SGCD: variants seen among roughly 807,000 people sequenced by gnomAD.
SGCD encodes delta-sarcoglycan.
A neutral mutation model predicts 36.6 loss-of-function variants in SGCD; 18 were observed. That is an observed-to-expected ratio of 0.49 (90% CI 0.34 to 0.73). The LOEUF is 0.73. Among genes scored for constraint, SGCD ranks in the 30% least tolerant of loss-of-function variants. The pLI is 0.01. For missense variants in SGCD, 387 were observed against 346.7 expected (o/e 1.12, Z -0.92); for synonymous variants, 133 against 130.6 (o/e 1.02, Z -0.12).
At chr5:156,699,989 G>C (rs1397077038) in intron 7 of SGCD, among the ~76,000 whole-genome samples, 1 of 144,450 alleles carries the variant, frequency 6.9e-6, no homozygotes, top group East Asian at 2.0e-4. Flanking sequence ...AGGAGGATCA[G>C]AGACAAAAGA....
intron 3 of SGCD, among the ~76,000 whole-genome samples, chr5:156,160,977 T>C (rs990269697): frequency 1.3e-5 from 2 of 151,742 alleles, no homozygotes; most frequent in Non-Finnish European, 2.9e-5. Flanking sequence ...CCATAGACTA[T>C]ACGTAAATGA....
the SGCD span, among the ~76,000 whole-genome samples, chr5:155,777,446 T>C: frequency 4.0e-5 from 6 of 151,524 alleles, no homozygotes; most frequent in Non-Finnish European, 8.8e-5. Flanking sequence ...AACTTCTACC[T>C]CCTGGGCTCA....
chr5:156,359,562 C>G (rs545202730), intron 3 of SGCD, among the ~76,000 whole-genome samples: 1 of 152,170 alleles, frequency 6.6e-6, no homozygotes, highest in South Asian at 2.1e-4. Flanking sequence ...CAGCCTAGAC[C>G]CAGAATTTCT....
At chr5:156,163,053 TTTTC>T (rs1289863439) in intron 3 of SGCD, among the ~76,000 whole-genome samples, 1 of 151,560 alleles carries the variant, frequency 6.6e-6, no homozygotes, top group Non-Finnish European at 1.5e-5. Context: ...TCTCTACATC[TTTTC>T]TTTCTTAAGG....
At chr5:156,461,908 G>T (rs188884287) in intron 3 of SGCD, among the ~76,000 whole-genome samples, 23 of 152,202 alleles carry the variant, frequency 1.5e-4, no homozygotes, top group East Asian at 1.3e-3. Context: ...AAAAAGTTTG[G>T]ACCCTAATTG....
At chr5:156,033,311 T>G (rs1418011230) in intron 1 of SGCD, among the ~76,000 whole-genome samples, 1 of 152,136 alleles carries the variant, frequency 6.6e-6, no homozygotes, top group Non-Finnish European at 1.5e-5. Context: ...ATAGTAAGGT[T>G]TGTGCTTCTA....
At chr5:156,358,278 A>G (rs1769590204) in intron 3 of SGCD, among the ~76,000 whole-genome samples, 1 of 152,228 alleles carries the variant, frequency 6.6e-6, no homozygotes, top group African/African-American at 2.4e-5. Context: ...TATAGTTCAT[A>G]TAAGCAATTT....
At chr5:156,543,146 C>G (rs772248152) in intron 4 of SGCD, among the ~76,000 whole-genome samples, 1 of 152,190 alleles carries the variant, frequency 6.6e-6, no homozygotes, top group Non-Finnish European at 1.5e-5. Context: ...AACCTCAGCA[C>G]TTTGGACATT....
chr5:155,745,422 G>T, the SGCD span, among the ~76,000 whole-genome samples: 1 of 152,010 alleles, frequency 6.6e-6, no homozygotes, highest in African/African-American at 2.4e-5. Context: ...CTATAATCTG[G>T]CCATTTGTCT....
chr5:156,609,731 G>T (rs1248926671), intron 6 of SGCD, among the ~76,000 whole-genome samples: 1 of 152,146 alleles, frequency 6.6e-6, no homozygotes, highest in Non-Finnish European at 1.5e-5. Flanking sequence ...TTTCTTGGAG[G>T]CTTTGTTTGT....
intron 3 of SGCD, among the ~76,000 whole-genome samples, chr5:156,356,365 G>C (rs1394610): frequency 0.071 from 10,851 of 152,228 alleles, 456 homozygotes; most frequent in Middle Eastern, 0.19. Context: ...CTAGCTGTCA[G>C]CTGGAACCTC....
chr5:155,938,993 C>T (rs1581001188), intron 1 of SGCD, among the ~76,000 whole-genome samples: 1 of 152,288 alleles, frequency 6.6e-6, no homozygotes, highest in South Asian at 2.1e-4. Flanking sequence ...AATAGCCAAC[C>T]ATTGTCAACA....
chr5:156,672,668 C>T (rs536506161), intron 7 of SGCD, among the ~76,000 whole-genome samples: 2 of 152,328 alleles, frequency 1.3e-5, no homozygotes, highest in South Asian at 2.1e-4. Flanking sequence ...TCTCTCCCTT[C>T]GTCCCTTCAT....
intron 3 of SGCD, among the ~76,000 whole-genome samples, chr5:156,467,308 T>A (rs1047098838): frequency 5.9e-5 from 9 of 152,220 alleles, no homozygotes; most frequent in African/African-American, 2.2e-4. Context: ...ATATACCTGA[T>A]ATATTTTGGA....
In SGCD at chr5:156,308,510, G is replaced by A. The variant is rs538953123; in HGVS notation, c.-43-21024G>A. 6.7e-4 allele frequency among the ~76,000 whole-genome samples: 102 copies of A among 152,256 alleles called. 1 individual carries two copies. Among genetic ancestry groups the A allele is most frequent in the Admixed American group, 1.2e-3 (19 of 15,294 alleles). On this transcript the variant is annotated intron_variant, in intron 3 of 9. Coordinates refer to the SGCD transcript ENST00000517913. The stretch of plus-strand genomic sequence containing the variant: ...AGATGGGGTTTCACCGTGTTAGCCA[G>A]GATGGTCTCGATCTCCTGACCATGT...
chr5:156,416,829 T>G (rs1272575553), intron 3 of SGCD, among the ~76,000 whole-genome samples: 2 of 152,206 alleles, frequency 1.3e-5, no homozygotes, highest in Non-Finnish European at 2.9e-5. Context: ...CTGCACTAAT[T>G]TCATCACAAC....
chr5:155,887,850 C>A (rs1756043648), intron 1 of SGCD, among the ~76,000 whole-genome samples: 1 of 152,186 alleles, frequency 6.6e-6, no homozygotes, highest in Non-Finnish European at 1.5e-5. Flanking sequence ...TACTAGCTAA[C>A]ATTTGTTGAG....
intron 3 of SGCD, among the ~76,000 whole-genome samples, chr5:156,403,251 C>A (rs1772245037): frequency 6.6e-6 from 1 of 152,102 alleles, no homozygotes; most frequent in African/African-American, 2.4e-5. Flanking sequence ...GATCAGGTGG[C>A]CTGTAATGTG....
chr5:155,804,377 C>T, the SGCD span, among the ~76,000 whole-genome samples: 1 of 152,184 alleles, frequency 6.6e-6, no homozygotes, highest in African/African-American at 2.4e-5. Flanking sequence ...GGAACTTGAA[C>T]CCAAATTATT....
Sources: allele counts gnomAD v4.1 joint callset (sites outside exome capture counted in the v4.1 genomes callset), GRCh38; gene constraint gnomAD v4.1.1; transcripts MANE v1.5; gene names NCBI Gene and HGNC (gene_info 2026-07-23, HGNC 2026-07-21).